NRG4: variants seen among roughly 807,000 people sequenced by gnomAD.
The protein encoded by NRG4 is neuregulin 4, also known as pro-neuregulin-4, membrane-bound isoform.
In NRG4, 10 loss-of-function variants were observed where a neutral mutation model predicts 15.0. The observed-to-expected ratio is 0.67, with a 90% CI of 0.41 to 1.13. NRG4 has a LOEUF of 1.13. Ranked by LOEUF, NRG4 falls within the 50% of genes most tolerant of loss-of-function variation. The probability of loss-of-function intolerance (pLI) is 0.00; values close to 1 mark genes in which losing one functional copy is unlikely to be tolerated. For synonymous variants in NRG4, 41 were observed against 50.1 expected (o/e 0.82, Z 0.77); for missense variants, 139 against 140.2 (o/e 0.99, Z 0.04).
intron 3 of NRG4, among the ~76,000 whole-genome samples, chr15:75,968,643 G>T (rs1361037367): frequency 6.6e-6 from 1 of 151,172 alleles, no homozygotes; most frequent in African/African-American, 2.4e-5. Flanking sequence ...AGCTGAGTGC[G>T]TAATCTCAGT....
chr15:75,956,520 GATA>G (rs2032253121), intron 4 of NRG4, among the ~76,000 whole-genome samples: 2 of 4,044 alleles, frequency 4.9e-4, no homozygotes, highest in Admixed American at 0.025. Flanking sequence ...TTTATGTTAT[GATA>G]GATTTTGGAA....
At chr15:75,947,833 A>G (rs1473646696) in intron 5 of NRG4, among the ~76,000 whole-genome samples, 2 of 152,128 alleles carry the variant, frequency 1.3e-5, no homozygotes, top group East Asian at 3.9e-4. Flanking sequence ...TGTTTGTATC[A>G]ATAGTAGTCA....
rs62027650 is a variant in NRG4, at chr15:76,051,028, T to C, written c.-105+1039A>G. 3.3e-4 allele frequency among the ~76,000 whole-genome samples: 49 copies of C among 149,022 alleles called. No homozygotes were observed. In the South Asian group the frequency reaches 7.1e-3, roughly 22 times the overall value. On this transcript the variant is annotated intron_variant, in intron 4 of 8. Coordinates refer to the NRG4 transcript ENST00000563910. ...TTATTTTTATTTTTATTTTTTGAGA[T>C]GGAGTCTCGCTCTGTCGCCCAGGCT...
intron 4 of NRG4, among the ~76,000 whole-genome samples, chr15:76,048,275 T>A (rs1005456745): frequency 6.7e-6 from 1 of 149,998 alleles, no homozygotes; most frequent in Non-Finnish European, 1.5e-5. Context: ...AGTTTGAGAC[T>A]AGCGTGGCCA....
intron 3 of NRG4, among the ~76,000 whole-genome samples, chr15:76,004,807 A>G (rs981900525): frequency 6.6e-6 from 1 of 152,052 alleles, no homozygotes; most frequent in Non-Finnish European, 1.5e-5. Flanking sequence ...AAAACACATG[A>G]TGCAACTATA....
rs1368742447 is a variant in NRG4, at chr15:75,943,454, G to A, written c.*184C>T. On this transcript the variant is annotated 3_prime_UTR_variant, in exon 6 of 6. Transcript: ENST00000394907. The stretch of plus-strand genomic sequence containing the variant: ...ACCCCCTACTTAGCAGTTGCCGATG[G>A]ACTGATGCACATTACAGAAGCACAC... The A allele has an allele frequency of 1.7e-6, 1 of 573,782 alleles. No homozygotes were observed. Among genetic ancestry groups the A allele is most frequent in the Non-Finnish European group, 3.1e-6 (1 of 324,632 alleles). The allele number at this position is 573,782 out of a possible 1,614,324, so 35.5% of individuals were successfully genotyped here. A position where few individuals can be genotyped will look rare whatever the true frequency, so the allele number is the denominator to read the frequency against.
chr15:75,961,043 T>C (rs540470815), intron 4 of NRG4, among the ~76,000 whole-genome samples: 24 of 152,320 alleles, frequency 1.6e-4, no homozygotes, highest in South Asian at 4.1e-4. Flanking sequence ...TTTCTTAGTA[T>C]ACAAACTTCT....
chr15:76,047,939 T>C (rs1201495959), intron 4 of NRG4, among the ~76,000 whole-genome samples: 5 of 150,490 alleles, frequency 3.3e-5, no homozygotes, highest in Non-Finnish European at 7.4e-5. Context: ...GAGGATCACC[T>C]GAGCCCAGGA....
upstream of NRG4, among the ~76,000 whole-genome samples, chr15:76,015,607 G>A (rs1227666616): frequency 6.6e-6 from 1 of 152,146 alleles, no homozygotes; most frequent in Non-Finnish European, 1.5e-5. Context: ...AGATACTCAC[G>A]TGGTTTTTGT....
At chr15:75,939,899 A>G (rs1175756027), downstream of NRG4, 4 of 152,100 alleles carry the variant, frequency 2.6e-5, no homozygotes, top group African/African-American at 9.7e-5. Flanking sequence ...TAAAAGCCAG[A>G]CATGAAAAGC....
rs2031225924 is a variant in NRG4, at chr15:75,943,665, T to C, written c.332-11A>G. Reference sequence around the variant, plus strand: ...AGTGTTGTTCATGACCTGTGAAAAATAAGTAAGAATTAAGATGCTTTCTCC... The same window carrying C: ...AGTGTTGTTCATGACCTGTGAAAAACAAGTAAGAATTAAGATGCTTTCTCC... On this transcript the variant is annotated splice_polypyrimidine_tract_variant and intron_variant, in intron 5 of 5. Transcript: ENST00000394907. The C allele has an allele frequency of 1.3e-6, 2 of 1,538,056 alleles. No individual in the cohort carries two copies. Among genetic ancestry groups the C allele is most frequent in the African/African-American group, 1.4e-5 (1 of 73,438 alleles).
At chr15:76,027,737 T>C (rs2035353830) in intron 5 of NRG4, among the ~76,000 whole-genome samples, 1 of 152,134 alleles carries the variant, frequency 6.6e-6, no homozygotes. Context: ...CTGATTTTTT[T>C]CATCAGCACA....
chr15:75,944,767 GT>G lies in NRG4; in HGVS notation c.332-1114del, dbSNP rs879797217. Among the ~76,000 whole-genome samples, 1,282 of 148,682 alleles carry G rather than the reference GT, an allele frequency of 8.6e-3. 5 individuals are homozygous for G. Among genetic ancestry groups the G allele is most frequent in the Admixed American group, 9.2e-3 (139 of 15,066 alleles). On this transcript the variant is annotated intron_variant, in intron 5 of 5. Transcript: ENST00000394907. ...TAGTAAAAGGCTTTTGTGTGTGTGT[GT>G]GGGGGGGTGGTTATTTGCTTATAGT...
rs1399817876 is a variant in NRG4 at position 76,049,639 on chromosome 15, C to G, written c.-105+2428G>C. The stretch of plus-strand genomic sequence containing the variant: ...GGTTCTCTTTTAGATTACAAGGTGC[C>G]TTTTCCAATATAACCACTTACTTCC... On this transcript the variant is annotated intron_variant, in intron 4 of 8. Coordinates refer to the NRG4 transcript ENST00000563910. Among the ~76,000 whole-genome samples the G allele has an allele frequency of 1.3e-5, 2 of 150,966 alleles. 1 individual carries two copies. The highest frequency in any genetic ancestry group is 2.9e-5 in the Non-Finnish European group (2 of 67,880).
At chr15:76,031,453 C>T (rs1288265223) in intron 5 of NRG4, among the ~76,000 whole-genome samples, 3 of 152,090 alleles carry the variant, frequency 2.0e-5, no homozygotes, top group Non-Finnish European at 2.9e-5. Flanking sequence ...TTTGGGAGGC[C>T]GAGGCAGGTG....
chr15:75,975,834 G>A (rs537415078), intron 3 of NRG4, among the ~76,000 whole-genome samples: 35 of 151,896 alleles, frequency 2.3e-4, no homozygotes, highest in African/African-American at 8.5e-4. Context: ...ATGTGTCTTG[G>A]GGTTGCTCTT....
chr15:76,050,805 C>T (rs2035988362), intron 4 of NRG4, among the ~76,000 whole-genome samples: 1 of 146,842 alleles, frequency 6.8e-6, no homozygotes, highest in African/African-American at 2.6e-5. Flanking sequence ...TTCTCCAAAA[C>T]TAATTTTTTT....
rs1469876351 is a variant in NRG4, at chr15:75,942,374, T to C, written c.*1264A>G. 6.6e-6 allele frequency: 1 copy of C among 152,076 alleles called. No individual in the cohort carries two copies. The highest frequency in any genetic ancestry group is 1.5e-5 in the Non-Finnish European group (1 of 68,014). The allele number at this position is 152,076 out of a possible 1,614,324, so 9.4% of individuals were successfully genotyped here. A position where few individuals can be genotyped will look rare whatever the true frequency, so the allele number is the denominator to read the frequency against. On this transcript the variant is annotated 3_prime_UTR_variant, in exon 6 of 6. Coordinates refer to ENST00000394907, the MANE Select transcript of NRG4 (RefSeq NM_138573.4). ...AAAGTAAAGTAAAAATGTGTCAATATTGGTTAAACAAATATACCACACTAG... is the reference window on the plus strand; with the variant it reads ...AAAGTAAAGTAAAAATGTGTCAATACTGGTTAAACAAATATACCACACTAG...
downstream of NRG4, chr15:75,935,795 T>A (rs1329835500): frequency 6.6e-6 from 1 of 152,048 alleles, no homozygotes; most frequent in South Asian, 2.1e-4. Context: ...CTGAGAACTT[T>A]CTTTTTTTTT....
Sources: gnomAD v4.1 joint callset for allele counts (sites outside exome capture counted in the v4.1 genomes callset) on GRCh38, gnomAD v4.1.1 for gene constraint, MANE v1.5 for transcripts, NCBI Gene and HGNC (gene_info 2026-07-23, HGNC 2026-07-21) for gene names.